The following GALM variants were observed in gnomAD, a reference collection of about 807,000 sequenced individuals.
The protein encoded by GALM is galactose mutarotase, also known as aldose 1-epimerase.
Under a neutral mutation model 37.4 loss-of-function variants are expected in GALM, and 43 were observed. That is an observed-to-expected ratio of 1.15 (90% CI 0.90 to 1.48). The LOEUF is 1.48. Among genes scored for constraint, GALM ranks in the 40% most tolerant of loss-of-function variants. GALM has a pLI of 0.00. For missense variants in GALM, 456 were observed against 419.1 expected (o/e 1.09, Z -0.77); for synonymous variants, 199 against 170.6 (o/e 1.17, Z -1.30).
At chr2:38,668,814 AT>A (rs1558574689) in intron 1 of GALM, 1 of 151,774 alleles carries the variant, frequency 6.6e-6, no homozygotes, top group East Asian at 1.9e-4. Context: ...TTTAAAAAAA[AT>A]TTTTTTAAAT....
intron 2 of GALM, among the ~76,000 whole-genome samples, chr2:38,678,017 C>CTTTTTTTT (rs372206191): frequency 5.8e-4 from 80 of 138,302 alleles, no homozygotes; most frequent in African/African-American, 2.1e-3. Context: ...ACTTTGAACT[C>CTTTTTTTT]TTTTTTTTTT....
chr2:38,687,686 G>A (rs919100025), intron 3 of GALM, among the ~76,000 whole-genome samples: 1 of 151,760 alleles, frequency 6.6e-6, no homozygotes, highest in Admixed American at 6.6e-5. Context: ...ACTCCAGCCT[G>A]GGCGACACAG....
intron 4 of GALM, among the ~76,000 whole-genome samples, chr2:38,700,782 T>A (rs940001744): frequency 4.6e-5 from 7 of 152,232 alleles, no homozygotes; most frequent in East Asian, 1.9e-4. Context: ...TCTGTTTTTT[T>A]AAATATATCC....
chr2:38,715,723 G>A (rs1211892908), intron 4 of GALM, among the ~76,000 whole-genome samples: 1 of 152,168 alleles, frequency 6.6e-6, no homozygotes, highest in Non-Finnish European at 1.5e-5. Flanking sequence ...GTGAGCCACC[G>A]TGTCCGGCCT....
chr2:38,712,501 A>G (rs758442322), intron 4 of GALM, among the ~76,000 whole-genome samples: 4 of 152,202 alleles, frequency 2.6e-5, no homozygotes, highest in Non-Finnish European at 2.9e-5. Flanking sequence ...CCAAATTTAT[A>G]GTTGCTGAAA....
At chr2:38,714,366 C>A (rs1225075166) in intron 4 of GALM, among the ~76,000 whole-genome samples, 1 of 152,028 alleles carries the variant, frequency 6.6e-6, no homozygotes, top group African/African-American at 2.4e-5. Context: ...AGGCGTGCAC[C>A]ACCACACTCG....
chr2:38,731,192 A>G (rs910462005), intron 5 of GALM, among the ~76,000 whole-genome samples: 1 of 151,934 alleles, frequency 6.6e-6, no homozygotes, highest in Non-Finnish European at 1.5e-5. Context: ...GCACCACTGC[A>G]CTCCTCCCTG....
intron 4 of GALM, among the ~76,000 whole-genome samples, chr2:38,696,551 C>G (rs753205850): frequency 6.6e-6 from 1 of 151,682 alleles, no homozygotes; most frequent in Non-Finnish European, 1.5e-5. Context: ...CCTGGCTCCG[C>G]CTTCCAAATA....
chr2:38,682,539 A>T (rs1665422233), intron 3 of GALM, among the ~76,000 whole-genome samples: 4 of 152,178 alleles, frequency 2.6e-5, no homozygotes, highest in Non-Finnish European at 5.9e-5. Flanking sequence ...TTCTCCCTTT[A>T]AAAAAGTTGA....
At chr2:38,709,598 G>A (rs1558590982) in intron 4 of GALM, among the ~76,000 whole-genome samples, 1 of 150,516 alleles carries the variant, frequency 6.6e-6, no homozygotes, top group African/African-American at 2.4e-5. Flanking sequence ...ACAGAATAAA[G>A]CCGCAAACCC....
chr2:38,683,535 CTCAGATTTTGGAGCATT>C (rs72436433), intron 3 of GALM, among the ~76,000 whole-genome samples: 5,971 of 149,632 alleles, frequency 0.04, 392 homozygotes, highest in African/African-American at 0.14. Flanking sequence ...ACTCAAAAAG[CTCAGATTTTGGAGCATT>C]TCAGATTTTA....
intron 4 of GALM, among the ~76,000 whole-genome samples, chr2:38,694,396 C>G (rs1312340602): frequency 6.6e-6 from 1 of 152,178 alleles, no homozygotes; most frequent in African/African-American, 2.4e-5. Context: ...CCCCAGTCCT[C>G]TCACTGTCTC....
At position 38,666,158 on chromosome 2, in the gene GALM, C is replaced by G; in HGVS notation, c.-4C>G. 1 of 1,609,268 alleles carries G rather than the reference C, an allele frequency of 6.2e-7. No individual in the cohort carries two copies. Among genetic ancestry groups the G allele is most frequent in the Non-Finnish European group, 8.5e-7 (1 of 1,177,310 alleles). On this transcript the variant is annotated 5_prime_UTR_variant, in exon 1 of 7. Transcript: ENST00000272252. ...GCAGTGGCTGCACACGCCAAACTTT[C>G]CCTATGGCTTCGGTGACCAGGGCCG... is the stretch of plus-strand genomic sequence containing the variant.
Position 38,699,229 on chromosome 2 carries a change from T to G in GALM, c.634+9335T>G, listed in dbSNP as rs1442356601. ...GTACCTGGCCCCAGCTGTTATTATT[T>G]TTAATTGATACCTAATACTTGATAT... is the stretch of plus-strand genomic sequence containing the variant. On this transcript the variant is annotated intron_variant, in intron 4 of 6. Transcript: ENST00000272252. 2.6e-5 allele frequency among the ~76,000 whole-genome samples: 4 copies of G among 152,196 alleles called. No individual in the cohort carries two copies. In the East Asian group the frequency reaches 5.8e-4, roughly 22 times the overall value.
intron 4 of GALM, among the ~76,000 whole-genome samples, chr2:38,709,027 T>C (rs933997512): frequency 4.6e-5 from 7 of 151,632 alleles, no homozygotes; most frequent in Admixed American, 2.0e-4. Flanking sequence ...TGACCTGAAG[T>C]TGGGGTTTTA....
chr2:38,701,459 C>T lies in GALM; in HGVS notation c.634+11565C>T, dbSNP rs1035781034. On this transcript the variant is annotated intron_variant, in intron 4 of 6. Coordinates refer to ENST00000272252, the MANE Select transcript of GALM (RefSeq NM_138801.3). ...TTGAAAGTAGCATTAGTAAAATCCC[C>T]TCTTCTTTTTTATTCTTATAAAATT... is the stretch of plus-strand genomic sequence containing the variant. Among the ~76,000 whole-genome samples the T allele has an allele frequency of 3.3e-5, 5 of 152,152 alleles. No individual in the cohort carries two copies. The South Asian group carries it at 1.0e-3, about 32-fold the overall frequency.
chr2:38,679,903 G>C (rs1002010631), intron 2 of GALM, among the ~76,000 whole-genome samples: 2 of 152,144 alleles, frequency 1.3e-5, no homozygotes, highest in African/African-American at 4.8e-5. Flanking sequence ...ATAAGTGTTC[G>C]TTTTCCCTTC....
In GALM at chr2:38,681,390, G is replaced by A. The variant is rs1665392409; in HGVS notation, c.456G>A (p.Leu152=). 6.2e-7 allele frequency: 1 copy of A among 1,614,010 alleles called. No individual in the cohort carries two copies. Among genetic ancestry groups the A allele is most frequent in the African/African-American group, 1.3e-5 (1 of 74,932 alleles). The change falls in exon 3 of 7, where the codon CTG becomes CTA. Residue 152 remains leucine, a synonymous_variant. Coordinates refer to ENST00000272252, the MANE Select transcript of GALM (RefSeq NM_138801.3). ...TAAAAGTCTGGGTGACATACACCCT[G>A]GATGGCGGAGAGCTCATAGTCAACT... ...GELKVWVTYT[L]DGGELIVNYR... is the part of the protein sequence containing the mutation.
intron 4 of GALM, among the ~76,000 whole-genome samples, chr2:38,726,225 T>A (rs1394981293): frequency 2.6e-3 from 57 of 21,514 alleles, no homozygotes; most frequent in African/African-American, 4.8e-3. Context: ...TATTTTTTTT[T>A]TTTTATTTTT....
Sources: allele counts gnomAD v4.1 joint callset (sites outside exome capture counted in the v4.1 genomes callset), GRCh38; gene constraint gnomAD v4.1.1; transcripts MANE v1.5; gene names NCBI Gene and HGNC (gene_info 2026-07-23, HGNC 2026-07-21).